The following CLSTN2 variants were observed in gnomAD, a reference collection of about 807,000 sequenced individuals.
The protein encoded by CLSTN2 is calsyntenin-2.
Under a neutral mutation model 101.2 loss-of-function variants are expected in CLSTN2, and 48 were observed. The ratio of observed to expected loss-of-function variants is 0.47; its 90% CI spans 0.38 to 0.60. CLSTN2 has a LOEUF of 0.60. CLSTN2 is among the 20% of genes least tolerant of loss of function. CLSTN2 has a pLI of 0.00. For synonymous variants in CLSTN2, 481 were observed against 463.6 expected, an observed-to-expected ratio of 1.04 and a Z score of -0.48; for missense variants, 1,160 against 1,238.2, an observed-to-expected ratio of 0.94 and a Z score of 0.95.
At chr3:140,278,591 C>T (rs1184715225) in intron 2 of CLSTN2, among the ~76,000 whole-genome samples, 1 of 152,186 alleles carries the variant, frequency 6.6e-6, no homozygotes, top group Admixed American at 6.5e-5. Context: ...TCATTACATC[C>T]CCTGGGCCAG....
rs1360037229 is a variant in CLSTN2, at chr3:140,560,949, T to C, written c.2042-1189T>C. 3.3e-5 allele frequency among the ~76,000 whole-genome samples: 5 copies of C among 152,104 alleles called. No individual in the cohort carries two copies. The East Asian group carries it at 7.7e-4, about 23-fold the overall frequency. On this transcript the variant is annotated intron_variant, in intron 12 of 16. Coordinates refer to ENST00000458420, the MANE Select transcript of CLSTN2 (RefSeq NM_022131.3). ...CTGATTATACACGAAACCATTGTGA[T>C]TGACAAGCATTTAAAAATTAAGATA...
chr3:140,028,555 G>T (rs1328240427), intron 1 of CLSTN2, among the ~76,000 whole-genome samples: 1 of 152,120 alleles, frequency 6.6e-6, no homozygotes, highest in African/African-American at 2.4e-5. Flanking sequence ...CAAATACAAC[G>T]ATCGGAAAAG....
rs1934998600 is a variant in CLSTN2, at chr3:139,935,259, C to T, written c.-116C>T. ...GAGGCCGAGCGCCGCGGCGGCAGCG[C>T]TAGAAGCGCACCCATCGGGCACGGC... On this transcript the variant is annotated 5_prime_UTR_variant, in exon 1 of 17. Coordinates refer to ENST00000458420, the MANE Select transcript of CLSTN2 (RefSeq NM_022131.3). The surrounding 1 kb of genome is among the most constrained non-coding windows in gnomAD (Gnocchi z 5.5). The T allele has an allele frequency of 2.1e-6, 1 of 469,886 alleles. No homozygotes were observed. Among genetic ancestry groups the T allele is most frequent in the Non-Finnish European group, 3.3e-6 (1 of 301,952 alleles). The allele number at this position is 469,886 out of a possible 1,614,324, so 29.1% of individuals were successfully genotyped here. A position where few individuals can be genotyped will look rare whatever the true frequency, so the allele number is the denominator to read the frequency against.
At chr3:140,503,695 T>C (rs1934627167) in intron 8 of CLSTN2, among the ~76,000 whole-genome samples, 1 of 152,250 alleles carries the variant, frequency 6.6e-6, no homozygotes, top group Admixed American at 6.5e-5. Flanking sequence ...CTCTCCAGGA[T>C]GTTGTTAGAA....
chr3:140,389,534 T>G (rs577478478), intron 2 of CLSTN2, among the ~76,000 whole-genome samples: 17 of 152,230 alleles, frequency 1.1e-4, no homozygotes, highest in Non-Finnish European at 2.5e-4. Flanking sequence ...AGTCTATCAT[T>G]GATGGGGATT....
At chr3:139,994,979 G>T (rs1386946423) in intron 1 of CLSTN2, among the ~76,000 whole-genome samples, 4 of 152,158 alleles carry the variant, frequency 2.6e-5, no homozygotes, top group African/African-American at 4.8e-5. Context: ...TAAACCAAAA[G>T]AAAGAACCAT....
intron 10 of CLSTN2, among the ~76,000 whole-genome samples, chr3:140,547,894 C>T (rs540773947): frequency 6.6e-6 from 1 of 152,340 alleles, no homozygotes; most frequent in South Asian, 2.1e-4. Flanking sequence ...AGGACAGCCC[C>T]ATGAAGCCCC....
intron 9 of CLSTN2, 121 bp from the exon 10 acceptor site, chr3:140,546,394 A>G: frequency 1.0e-6 from 1 of 979,822 alleles, no homozygotes; most frequent in East Asian, 2.5e-5. Context: ...ACTCAGAAGG[A>G]AAAGCTCAGG....
chr3:140,177,761 C>T (rs1018420184), intron 2 of CLSTN2, among the ~76,000 whole-genome samples: 5 of 152,158 alleles, frequency 3.3e-5, no homozygotes, highest in African/African-American at 1.2e-4. Context: ...GCACCAACTG[C>T]ACTCTATCCT....
chr3:140,282,789 A>T (rs1405893304), intron 2 of CLSTN2, among the ~76,000 whole-genome samples: 1 of 152,156 alleles, frequency 6.6e-6, no homozygotes, highest in African/African-American at 2.4e-5. Context: ...TTCAAAAATG[A>T]CTCAGATTTC....
intron 2 of CLSTN2, among the ~76,000 whole-genome samples, chr3:140,394,703 C>T (rs915241353): frequency 1.4e-4 from 21 of 152,154 alleles, no homozygotes; most frequent in African/African-American, 4.8e-4. Flanking sequence ...AATCTCCAGC[C>T]CCAGGCAGGT....
chr3:140,532,671 C>T (rs1342732185), intron 9 of CLSTN2, among the ~76,000 whole-genome samples, 185 bp downstream of exon 9: 1 of 152,130 alleles, frequency 6.6e-6, no homozygotes, highest in African/African-American at 2.4e-5. Flanking sequence ...TGTATAATAA[C>T]AAGCTTAAGG....
rs1447628955 is a variant in CLSTN2, at chr3:140,567,082, G to A, written c.*829G>A. 6.5e-6 allele frequency: 1 copy of A among 153,038 alleles called. No individual in the cohort carries two copies. The highest frequency in any genetic ancestry group is 2.4e-5 in the African/African-American group (1 of 41,440). 9.5% of individuals were successfully genotyped at this position (153,038 alleles called of 1,614,324 possible). On this transcript the variant is annotated 3_prime_UTR_variant, in exon 17 of 17. Coordinates refer to ENST00000458420, the MANE Select transcript of CLSTN2 (RefSeq NM_022131.3). ...CACTGCCCCAGGACAACACAACAAG[G>A]ACAGTCACAACAAGGACAACAAGGA... is the stretch of plus-strand genomic sequence containing the variant.
chr3:140,448,742 C>T (rs1308012705), intron 6 of CLSTN2, 38 bp downstream of exon 6: 2 of 1,548,746 alleles, frequency 1.3e-6, no homozygotes, highest in South Asian at 2.3e-5. Flanking sequence ...AAATCAATTG[C>T]TTTTAAATGA....
At chr3:140,405,176 T>C (rs550718415) in intron 4 of CLSTN2, among the ~76,000 whole-genome samples, 34 of 152,246 alleles carry the variant, frequency 2.2e-4, no homozygotes, top group South Asian at 4.2e-4. Flanking sequence ...GATGAAGACA[T>C]GCTAACAGAG....
intron 8 of CLSTN2, among the ~76,000 whole-genome samples, chr3:140,493,778 G>A (rs1388100649): frequency 6.6e-6 from 1 of 152,232 alleles, no homozygotes; most frequent in African/African-American, 2.4e-5. Flanking sequence ...ATTATTCCAT[G>A]TCATAGATGG....
intron 2 of CLSTN2, among the ~76,000 whole-genome samples, chr3:140,361,508 A>G (rs1329618656): frequency 1.3e-5 from 2 of 152,178 alleles, no homozygotes; most frequent in African/African-American, 4.8e-5. Flanking sequence ...AAAAGATATT[A>G]AAGACATTTG....
At chr3:140,259,141 C>A (rs2086628026) in intron 2 of CLSTN2, among the ~76,000 whole-genome samples, 1 of 142,510 alleles carries the variant, frequency 7.0e-6, no homozygotes, top group African/African-American at 2.6e-5. Flanking sequence ...TAATTTTTTT[C>A]TTTAAATCTT....
Position 140,099,296 on chromosome 3 carries a change from G to C in CLSTN2, c.110-76655G>C, listed in dbSNP as rs549344622. 4.6e-5 allele frequency among the ~76,000 whole-genome samples: 7 copies of C among 152,160 alleles called. No homozygotes were observed. In the East Asian group the frequency reaches 7.7e-4, roughly 17 times the overall value. On this transcript the variant is annotated intron_variant, in intron 1 of 16. Transcript: ENST00000458420. ...GGGAGCAGGACTGGGTCCCCGGAAG[G>C]CTCTAGGGGAAAGTTTTTCCTGGCT...
Sources: allele counts gnomAD v4.1 joint callset (sites outside exome capture counted in the v4.1 genomes callset), GRCh38; gene constraint gnomAD v4.1.1; non-coding constraint Gnocchi (gnomAD v3.1); transcripts MANE v1.5; gene names NCBI Gene and HGNC (gene_info 2026-07-23, HGNC 2026-07-21).